Variants in ABCA5 observed in about 807,000 individuals in gnomAD.
ABCA5 encodes the protein cholesterol transporter ABCA5.
Under a neutral mutation model 206.0 loss-of-function variants are expected in ABCA5, and 163 were observed. The observed-to-expected ratio is 0.79, with a 90% CI of 0.70 to 0.90. The LOEUF is 0.90. ABCA5 is among the 40% of genes least tolerant of loss of function. ABCA5 has a pLI of 0.00. For missense variants in ABCA5, 1,859 were observed against 1,912.9 expected, an observed-to-expected ratio of 0.97 and a Z score of 0.53; for synonymous variants, 609 against 613.8, an observed-to-expected ratio of 0.99 and a Z score of 0.11.
At chr17:69,294,439 T>C (rs2075563630) in intron 11 of ABCA5, among the ~76,000 whole-genome samples, 1 of 152,016 alleles carries the variant, frequency 6.6e-6, no homozygotes, top group Admixed American at 6.5e-5. Flanking sequence ...GGCGAATCAC[T>C]TGAACCCAGA....
chr17:69,289,966 T>G lies in ABCA5; in HGVS notation c.1678A>C (p.Ile560Leu), dbSNP rs1304111578. The G allele has an allele frequency of 1.9e-6, 3 of 1,612,592 alleles. No individual in the cohort carries two copies. Among genetic ancestry groups the G allele is most frequent in the Non-Finnish European group, 2.5e-6 (3 of 1,179,368 alleles). ...AAGTGTATATCTAACTGTGGACAAA[T>G]GCCAATCATTTTTCTTGCTTCAAAC... Reference protein sequence around the residue: ...EMFEARKMIGICPQLDIHFDV... With the variant: ...EMFEARKMIGLCPQLDIHFDV... Residue 560 changes from isoleucine to leucine, a missense_variant, in exon 13 of 39, where the codon ATT becomes CTT. Transcript: ENST00000392676.
chr17:69,267,117 C>T (rs889999619), intron 23 of ABCA5, among the ~76,000 whole-genome samples: 12 of 152,108 alleles, frequency 7.9e-5, no homozygotes, highest in Admixed American at 6.5e-4. Flanking sequence ...TCAGGTGATC[C>T]GCCCACCTCG....
chr17:69,262,129 A>G (rs2075155186), intron 24 of ABCA5, among the ~76,000 whole-genome samples: 1 of 152,130 alleles, frequency 6.6e-6, no homozygotes, highest in Admixed American at 6.6e-5. Flanking sequence ...CCTTTTTCCT[A>G]ATAAAGTAAT....
intron 18 of ABCA5, 72 bp from the exon 19 acceptor site, chr17:69,277,914 A>C (rs2075351660): frequency 8.5e-7 from 1 of 1,170,992 alleles, no homozygotes; most frequent in African/African-American, 1.6e-5. Flanking sequence ...AAGCAGGAAC[A>C]TTTAAAGAAG....
At chr17:69,314,711 G>A (rs1223433962) in intron 1 of ABCA5, 1 of 253,734 alleles carries the variant, frequency 3.9e-6, no homozygotes, top group Non-Finnish European at 7.4e-6. Flanking sequence ...CGCCCACAGA[G>A]GCAGCTCCAG....
intron 1 of ABCA5, chr17:69,317,971 C>T (rs2075831667): frequency 6.6e-6 from 1 of 152,234 alleles, no homozygotes; most frequent in African/African-American, 2.4e-5. Flanking sequence ...CAAAAAAATC[C>T]TGTTAAACCT....
At chr17:69,274,336 A>AC (rs1404228859) in intron 19 of ABCA5, among the ~76,000 whole-genome samples, 1 of 151,516 alleles carries the variant, frequency 6.6e-6, no homozygotes, top group East Asian at 1.9e-4. Flanking sequence ...TTCTCCCCTC[A>AC]CCATCCCAAA....
intron 34 of ABCA5, among the ~76,000 whole-genome samples, chr17:69,253,178 G>A (rs973349003): frequency 2.0e-5 from 3 of 152,018 alleles, no homozygotes; most frequent in Non-Finnish European, 4.4e-5. Flanking sequence ...ACCTTTCTCA[G>A]AATGTATCTC....
intron 19 of ABCA5, among the ~76,000 whole-genome samples, chr17:69,274,907 G>A (rs534705873): frequency 6.9e-4 from 92 of 133,394 alleles, no homozygotes; most frequent in Admixed American, 1.1e-3. Flanking sequence ...GCAGTGGTGT[G>A]ATCTCGGCTC....
chr17:69,294,243 C>T (rs2075560879), intron 11 of ABCA5, among the ~76,000 whole-genome samples: 2 of 152,054 alleles, frequency 1.3e-5, no homozygotes, highest in African/African-American at 4.8e-5. Flanking sequence ...AAGACAGGGG[C>T]TGGGCGCAGT....
chr17:69,258,559 T>G (rs1407040290), intron 28 of ABCA5, among the ~76,000 whole-genome samples: 3 of 148,610 alleles, frequency 2.0e-5, no homozygotes, highest in Non-Finnish European at 4.5e-5. Context: ...CAAAAGGGGG[T>G]GGGGATAAGG....
chr17:69,318,749 C>T, intron 1 of ABCA5: 1 of 647,392 alleles, frequency 1.5e-6, no homozygotes, highest in East Asian at 3.1e-5. Context: ...AAAGCTTACA[C>T]TCCCGAGTTG....
At chr17:69,311,794 A>T (rs2075773733) in intron 3 of ABCA5, among the ~76,000 whole-genome samples, 1 of 152,060 alleles carries the variant, frequency 6.6e-6, no homozygotes, top group South Asian at 2.1e-4. Context: ...GCCTGGCCTC[A>T]TATTTCTTTG....
At chr17:69,302,413 A>G (rs2075661765) in intron 8 of ABCA5, among the ~76,000 whole-genome samples, 1 of 152,188 alleles carries the variant, frequency 6.6e-6, no homozygotes, top group Non-Finnish European at 1.5e-5. Context: ...GCCATAGGCA[A>G]TAAGAATTAC....
chr17:69,318,788 T>A, intron 1 of ABCA5: 1 of 696,294 alleles, frequency 1.4e-6, no homozygotes, highest in Non-Finnish European at 2.7e-6. Flanking sequence ...AAGTTATCAT[T>A]GAAAATTAAA....
intron 37 of ABCA5, chr17:69,249,693 G>C (rs1372800261): frequency 5.5e-6 from 3 of 540,604 alleles, no homozygotes; most frequent in African/African-American, 1.9e-5. Context: ...TAGATTAAAT[G>C]AATAAAAGGT....
rs773593014 is a variant in ABCA5, at chr17:69,309,422, G to A, written c.309C>T (p.Val103=). The A allele has an allele frequency of 1.3e-6, 2 of 1,550,614 alleles. No homozygotes were observed. The highest frequency in any genetic ancestry group is 1.7e-6 in the Non-Finnish European group (2 of 1,148,420). ...QKVSTDHLPD[V]IITEEYTNEK... ...CATTTGTATATTCTTCAGTAATTAT[G>A]ACTGTAAGATATCATAACAATATAG... The change falls in exon 4 of 39, where the codon GTC becomes GTT. Residue 103 remains valine (V), a splice_region_variant and synonymous_variant. Transcript: ENST00000392676.
intron 22 of ABCA5, among the ~76,000 whole-genome samples, chr17:69,269,134 C>T (rs911706189): frequency 1.3e-5 from 2 of 152,054 alleles, no homozygotes; most frequent in Non-Finnish European, 2.9e-5. Flanking sequence ...GATTATATGT[C>T]AGTGTTGTTG....
In ABCA5 at chr17:69,277,610, C is replaced by T. The variant is rs1002128635; in HGVS notation, c.2594+31G>A. 4.0e-6 allele frequency: 6 copies of T among 1,512,818 alleles called. No individual in the cohort carries two copies. In the African/African-American group the frequency reaches 5.7e-5, roughly 14 times the overall value. 93.7% of individuals were successfully genotyped at this position (1,512,818 alleles called of 1,614,324 possible). On this transcript the variant is annotated intron_variant, in intron 19 of 38. Coordinates refer to ENST00000392676, the MANE Select transcript of ABCA5 (RefSeq NM_172232.4). ...CAATGTGTATCCTTAAAAAGCAATC[C>T]ATCAGGTATAAGGGTGATAATTATA...
Sources: gnomAD v4.1 joint callset for allele counts (sites outside exome capture counted in the v4.1 genomes callset) on GRCh38, gnomAD v4.1.1 for gene constraint, MANE v1.5 for transcripts, NCBI Gene and HGNC (gene_info 2026-07-23, HGNC 2026-07-21) for gene names.